The following SLC25A13 variants were observed in gnomAD, a reference collection of about 807,000 sequenced individuals.
The protein encoded by SLC25A13 is solute carrier family 25 member 13.
A neutral mutation model predicts 85.5 loss-of-function variants in SLC25A13; 70 were observed. The ratio of observed to expected loss-of-function variants is 0.82; its 90% confidence interval spans 0.68 to 1.00. The LOEUF is 1.00. Among genes scored for constraint, SLC25A13 ranks in the 50% least tolerant of loss-of-function variants. The probability of loss-of-function intolerance (pLI) is 0.00; values close to 1 mark genes in which losing one functional copy is unlikely to be tolerated. For synonymous variants in SLC25A13, 259 were observed against 288.7 expected (o/e 0.90, Z 1.04); for missense variants, 765 against 819.8 (o/e 0.93, Z 0.82).
intron 5 of SLC25A13, among the ~76,000 whole-genome samples, chr7:96,201,454 G>A (rs1306238207): frequency 2.7e-5 from 4 of 150,104 alleles, no homozygotes; most frequent in Non-Finnish European, 5.9e-5. Flanking sequence ...GGAGGTTGTA[G>A]TGAGCCAAGA....
intron 13 of SLC25A13, among the ~76,000 whole-genome samples, chr7:96,159,765 T>C (rs943477878): frequency 1.3e-5 from 2 of 152,178 alleles, no homozygotes; most frequent in African/African-American, 4.8e-5. Flanking sequence ...TTAACAATAT[T>C]GAAAAGATAA....
chr7:96,122,560 T>TG (rs1471317264), intron 15 of SLC25A13, among the ~76,000 whole-genome samples: 1 of 151,674 alleles, frequency 6.6e-6, no homozygotes, highest in Non-Finnish European at 1.5e-5. Context: ...CTATGTGTGT[T>TG]GGGGGGTGGG....
intron 5 of SLC25A13, among the ~76,000 whole-genome samples, chr7:96,195,632 A>G (rs914803325): frequency 8.5e-5 from 13 of 152,106 alleles, no homozygotes; most frequent in African/African-American, 2.9e-4. Context: ...CAAGGCATAC[A>G]AGCCCCCAGA....
chr7:96,319,118 G>C (rs1800235012), intron 1 of SLC25A13, among the ~76,000 whole-genome samples: 1 of 152,162 alleles, frequency 6.6e-6, no homozygotes, highest in Admixed American at 6.5e-5. Context: ...TTCATTGAGG[G>C]ACCTTTTAAG....
chr7:96,275,644 C>T (rs777252879), intron 3 of SLC25A13, among the ~76,000 whole-genome samples: 1 of 152,004 alleles, frequency 6.6e-6, no homozygotes, highest in Non-Finnish European at 1.5e-5. Flanking sequence ...GACAAAAAAA[C>T]CAAACACTGC....
At chr7:96,305,211 CT>C (rs1165714048) in intron 1 of SLC25A13, among the ~76,000 whole-genome samples, 4 of 152,114 alleles carry the variant, frequency 2.6e-5, no homozygotes, top group Non-Finnish European at 4.4e-5. Context: ...GAAATGACCC[CT>C]GAGCTCAGGT....
chr7:96,293,176 G>C (rs1799195380), intron 2 of SLC25A13, among the ~76,000 whole-genome samples: 1 of 152,044 alleles, frequency 6.6e-6, no homozygotes, highest in African/African-American at 2.4e-5. Flanking sequence ...ACAAGAAATG[G>C]GGAAGGATTC....
chr7:96,286,909 T>G (rs1236696501), intron 2 of SLC25A13, among the ~76,000 whole-genome samples: 1 of 152,190 alleles, frequency 6.6e-6, no homozygotes, highest in Non-Finnish European at 1.5e-5. Context: ...ACACCTGGTG[T>G]GAAGGCTGCA....
chr7:96,124,168 C>T (rs1259613960), intron 15 of SLC25A13, among the ~76,000 whole-genome samples: 1 of 152,062 alleles, frequency 6.6e-6, no homozygotes, highest in East Asian at 1.9e-4. Context: ...TAATTTACAA[C>T]AAAAAGAAAA....
intron 1 of SLC25A13, among the ~76,000 whole-genome samples, chr7:96,304,860 T>C (rs903547953): frequency 1.3e-5 from 2 of 152,222 alleles, no homozygotes; most frequent in East Asian, 1.9e-4. Flanking sequence ...AGCTGACTTA[T>C]CGACAAGTGG....
intron 5 of SLC25A13, among the ~76,000 whole-genome samples, chr7:96,198,287 G>A (rs1311610267): frequency 6.6e-6 from 1 of 152,188 alleles, no homozygotes; most frequent in African/African-American, 2.4e-5. Flanking sequence ...ATGAATGACA[G>A]GCATTTAAAA....
chr7:96,321,260 G>A (rs535865092), intron 1 of SLC25A13, among the ~76,000 whole-genome samples: 63 of 152,158 alleles, frequency 4.1e-4, no homozygotes, highest in Non-Finnish European at 7.6e-4. Flanking sequence ...CAGGCTCCCA[G>A]GACAATCTGT....
At chr7:96,283,715 G>A (rs1484809407) in intron 2 of SLC25A13, 1 of 274,864 alleles carries the variant, frequency 3.6e-6, no homozygotes, top group Admixed American at 4.3e-5. Context: ...GGTGTACCTG[G>A]TGTCAGCCTG....
chr7:96,278,518 T>C, intron 2 of SLC25A13, among the ~76,000 whole-genome samples: 1 of 152,208 alleles, frequency 6.6e-6, no homozygotes, highest in Non-Finnish European at 1.5e-5. Flanking sequence ...TCTTACCACT[T>C]GAATGGCCTC....
At chr7:96,191,038 T>C in intron 7 of SLC25A13, 71 bp downstream of exon 7, 3 of 1,550,296 alleles carry the variant, frequency 1.9e-6, no homozygotes, top group South Asian at 1.1e-5. Flanking sequence ...AAAGTACTAG[T>C]TGCCTTCTTC....
At chr7:96,297,580 C>T (rs1327918083) in intron 1 of SLC25A13, among the ~76,000 whole-genome samples, 6 of 152,144 alleles carry the variant, frequency 3.9e-5, no homozygotes, top group South Asian at 2.1e-4. Flanking sequence ...GTGATCTGCC[C>T]GCCTCAGCCT....
rs769173075 is a variant in SLC25A13 at position 96,189,484 on chromosome 7, C to A, written c.848+97G>T. ...TTTCATTTCTCATATTTCAGTATAG[C>A]CTTCAGTTTGGCTTCTTTTTCTCCT... On this transcript the variant is annotated intron_variant, in intron 8 of 17. Transcript: ENST00000265631. The A allele has an allele frequency of 2.6e-6, 4 of 1,523,806 alleles. No homozygotes were observed. In the African/African-American group the frequency reaches 5.5e-5, roughly 21 times the overall value. 94.4% of individuals were successfully genotyped at this position (1,523,806 alleles called of 1,614,324 possible).
chr7:96,184,557 T>C, intron 10 of SLC25A13, 122 bp from the exon 11 acceptor site: 1 of 915,962 alleles, frequency 1.1e-6, no homozygotes, highest in Admixed American at 2.1e-5. Flanking sequence ...AAATACAGAT[T>C]TTAAAACAGT....
At chr7:96,197,066 G>T (rs1298095185) in intron 5 of SLC25A13, among the ~76,000 whole-genome samples, 1 of 152,202 alleles carries the variant, frequency 6.6e-6, no homozygotes, top group Non-Finnish European at 1.5e-5. Context: ...AAGCAGTAAA[G>T]CTGGAATTCA....
Sources: gnomAD v4.1 joint callset for allele counts (sites outside exome capture counted in the v4.1 genomes callset) on GRCh38, gnomAD v4.1.1 for gene constraint, MANE v1.5 for transcripts, NCBI Gene and HGNC (gene_info 2026-07-23, HGNC 2026-07-21) for gene names.